Variants in TBC1D14 observed in about 807,000 individuals in gnomAD.
TBC1D14 encodes TBC1 domain family member 14.
In TBC1D14, 26 loss-of-function variants were observed where a neutral mutation model predicts 79.0. The observed-to-expected ratio is 0.33, with a 90% CI of 0.24 to 0.46. TBC1D14 has a LOEUF of 0.46. Among genes scored for constraint, TBC1D14 ranks in the 20% least tolerant of loss-of-function variants. The pLI, the probability that TBC1D14 is intolerant of heterozygous loss-of-function variation, is 1.00. For missense variants in TBC1D14, 769 were observed against 887.6 expected (o/e 0.87, Z 1.70); for synonymous variants, 394 against 349.9 (o/e 1.13, Z -1.40).
chr4:6,929,852 C>T (rs1009668263), intron 2 of TBC1D14, among the ~76,000 whole-genome samples: 6 of 152,186 alleles, frequency 3.9e-5, no homozygotes, highest in African/African-American at 1.4e-4. Context: ...GCTTCTGGGC[C>T]AGGCACTTCT....
intron 9 of TBC1D14, chr4:7,007,731 C>T (rs1240788769): frequency 1.6e-6 from 1 of 642,062 alleles, no homozygotes; most frequent in Non-Finnish European, 2.4e-6. Context: ...ATTTCAGCTT[C>T]TCTGCCCTTT....
At chr4:7,005,849 T>C (rs1308585969) in intron 8 of TBC1D14, among the ~76,000 whole-genome samples, 1 of 152,206 alleles carries the variant, frequency 6.6e-6, no homozygotes, top group Non-Finnish European at 1.5e-5. Flanking sequence ...AATACTGGCT[T>C]ATAGAGGAGC....
intron 1 of TBC1D14, among the ~76,000 whole-genome samples, chr4:6,920,768 A>T (rs1454301388): frequency 6.6e-6 from 1 of 151,994 alleles, no homozygotes; most frequent in Non-Finnish European, 1.5e-5. Flanking sequence ...CCAGATTTGA[A>T]TGCACCACCT....
chr4:6,951,301 A>AAAC lies in TBC1D14; in HGVS notation c.723-15983_723-15981dup, dbSNP rs574050167. The stretch of plus-strand genomic sequence containing the variant: ...AGCAAGACTGCATCTCAAAAAAAAT[A>AAAC]AACAACAACAACAACAACAACATAA... On this transcript the variant is annotated intron_variant, in intron 2 of 13. Coordinates refer to ENST00000409757, the MANE Select transcript of TBC1D14 (RefSeq NM_020773.3). 3.3e-3 allele frequency among the ~76,000 whole-genome samples: 509 copies of AAAC among 152,128 alleles called. 3 individuals are homozygous for AAAC. Among genetic ancestry groups the AAAC allele is most frequent in the African/African-American group, 0.011 (450 of 41,478 alleles).
At chr4:6,959,452 C>G (rs1577086591) in intron 2 of TBC1D14, among the ~76,000 whole-genome samples, 1 of 152,142 alleles carries the variant, frequency 6.6e-6, no homozygotes, top group African/African-American at 2.4e-5. Flanking sequence ...CTCTGCTGGG[C>G]CTTCCCCCGG....
At chr4:6,913,002 C>G (rs376297065) in intron 1 of TBC1D14, among the ~76,000 whole-genome samples, 1 of 152,058 alleles carries the variant, frequency 6.6e-6, no homozygotes, top group African/African-American at 2.4e-5. Flanking sequence ...CTATTCTATT[C>G]TATTTTTTGA....
At chr4:6,957,168 C>T (rs1258216265) in intron 2 of TBC1D14, among the ~76,000 whole-genome samples, 1 of 152,232 alleles carries the variant, frequency 6.6e-6, no homozygotes, top group Non-Finnish European at 1.5e-5. Context: ...GGAAACTAGA[C>T]TCCATGGGTC....
chr4:6,948,718 T>TG (rs1469136743), intron 2 of TBC1D14, among the ~76,000 whole-genome samples: 1 of 150,986 alleles, frequency 6.6e-6, no homozygotes, highest in Non-Finnish European at 1.5e-5. Context: ...TTTTTTTTTT[T>TG]TTTTTGAGAC....
At chr4:6,991,989 A>G (rs960221809) in intron 3 of TBC1D14, among the ~76,000 whole-genome samples, 3 of 152,182 alleles carry the variant, frequency 2.0e-5, no homozygotes, top group Non-Finnish European at 4.4e-5. Context: ...GTTTGGCACT[A>G]GAGCATGGTT....
intron 12 of TBC1D14, among the ~76,000 whole-genome samples, chr4:7,018,661 G>A (rs1202390898): frequency 1.3e-5 from 2 of 152,198 alleles, no homozygotes; most frequent in African/African-American, 2.4e-5. Flanking sequence ...CTGAGGGTTC[G>A]CTGTCCTTCC....
At chr4:7,009,015 T>C (rs1220526785) in intron 9 of TBC1D14, among the ~76,000 whole-genome samples, 1 of 152,252 alleles carries the variant, frequency 6.6e-6, no homozygotes, top group Non-Finnish European at 1.5e-5. Context: ...GATTTGGAAC[T>C]GTCTTTTCTT....
At chr4:6,985,108 TA>T (rs1328620370) in intron 3 of TBC1D14, among the ~76,000 whole-genome samples, 1 of 152,194 alleles carries the variant, frequency 6.6e-6, no homozygotes, top group Non-Finnish European at 1.5e-5. Flanking sequence ...CTCTATTTTT[TA>T]AAAAATTGAA....
intron 12 of TBC1D14, among the ~76,000 whole-genome samples, chr4:7,023,258 G>GA (rs1289993438): frequency 3.3e-5 from 5 of 151,994 alleles, no homozygotes; most frequent in South Asian, 4.2e-4. Flanking sequence ...TCCGTCTCAA[G>GA]AAAAAAACAA....
intron 2 of TBC1D14, among the ~76,000 whole-genome samples, chr4:6,960,701 C>T (rs1337972744): frequency 6.6e-6 from 1 of 152,216 alleles, no homozygotes; most frequent in Non-Finnish European, 1.5e-5. Flanking sequence ...TTGGCGTGTC[C>T]AGTGGCTCCT....
At chr4:6,918,986 C>T (rs1723616744) in intron 1 of TBC1D14, among the ~76,000 whole-genome samples, 2 of 152,216 alleles carry the variant, frequency 1.3e-5, no homozygotes, top group South Asian at 4.1e-4. Context: ...GTAGCCCTGC[C>T]TTGGAGGGCT....
upstream of TBC1D14, chr4:6,909,773 G>C (rs1438601349): frequency 6.7e-6 from 1 of 148,654 alleles, no homozygotes; most frequent in Non-Finnish European, 1.5e-5. Context: ...CGGGCGAGGG[G>C]GCGGGGCGAA....
intron 2 of TBC1D14, among the ~76,000 whole-genome samples, chr4:6,940,708 G>C (rs1712820855): frequency 6.6e-6 from 1 of 152,212 alleles, no homozygotes; most frequent in South Asian, 2.1e-4. Context: ...GAGATTGAGA[G>C]AGTGCAGTCA....
At chr4:7,019,634 T>G (rs570141825) in intron 12 of TBC1D14, among the ~76,000 whole-genome samples, 3 of 152,218 alleles carry the variant, frequency 2.0e-5, no homozygotes, top group Non-Finnish European at 4.4e-5. Flanking sequence ...GCGGTGCTCA[T>G]GATGTTTACT....
At chr4:6,968,612 C>T (rs1266916818) in intron 3 of TBC1D14, among the ~76,000 whole-genome samples, 1 of 152,060 alleles carries the variant, frequency 6.6e-6, no homozygotes, top group African/African-American at 2.4e-5. Context: ...CAGGGCCAGG[C>T]AGGTAGTGGG....
Sources: allele counts gnomAD v4.1 joint callset (sites outside exome capture counted in the v4.1 genomes callset), GRCh38; gene constraint gnomAD v4.1.1; transcripts MANE v1.5; gene names NCBI Gene and HGNC (gene_info 2026-07-23, HGNC 2026-07-21).